The following SGCD variants were observed in gnomAD, a reference collection of about 807,000 sequenced individuals.
SGCD encodes the protein sarcoglycan delta, also known as delta-sarcoglycan.
In SGCD, 18 loss-of-function variants were observed where a neutral mutation model predicts 36.6. The observed-to-expected ratio is 0.49, with a 90% CI of 0.34 to 0.73. The LOEUF (loss-of-function observed/expected upper bound fraction) is 0.73, where lower values mean the gene tolerates loss of function less well. Among genes scored for constraint, SGCD ranks in the 30% least tolerant of loss-of-function variants. The pLI, the probability that SGCD is intolerant of heterozygous loss-of-function variation, is 0.01. For missense variants in SGCD, 387 were observed against 346.7 expected (o/e 1.12, Z -0.92); for synonymous variants, 133 against 130.6 (o/e 1.02, Z -0.12).
chr5:156,487,027 C>T (rs1755702099), intron 3 of SGCD, among the ~76,000 whole-genome samples: 1 of 152,160 alleles, frequency 6.6e-6, no homozygotes. Context: ...CCAAGCACAC[C>T]ACCTGGAGGC....
intron 3 of SGCD, among the ~76,000 whole-genome samples, chr5:156,131,994 T>C (rs186420006): frequency 2.0e-5 from 3 of 152,160 alleles, no homozygotes; most frequent in Admixed American, 1.3e-4. Flanking sequence ...GCCAGAAAAA[T>C]TGCAAATATG....
intron 1 of SGCD, among the ~76,000 whole-genome samples, chr5:155,899,952 A>G (rs1274053129): frequency 2.6e-5 from 4 of 152,202 alleles, no homozygotes; most frequent in Admixed American, 6.6e-5. Context: ...AGTTCTATTC[A>G]TACTTGAATG....
At chr5:155,945,640 T>A (rs1355565795) in intron 1 of SGCD, among the ~76,000 whole-genome samples, 5 of 152,038 alleles carry the variant, frequency 3.3e-5, no homozygotes, top group Non-Finnish European at 7.4e-5. Flanking sequence ...TGTCCAAGCA[T>A]AAGTGCAGAT....
intron 6 of SGCD, among the ~76,000 whole-genome samples, chr5:156,623,407 A>G (rs1762328922): frequency 6.6e-6 from 1 of 152,206 alleles, no homozygotes; most frequent in African/African-American, 2.4e-5. Flanking sequence ...CAGTGTTTTA[A>G]TTCAAAACGA....
chr5:156,115,363 A>T (rs1164358061), intron 1 of SGCD, among the ~76,000 whole-genome samples: 1 of 151,996 alleles, frequency 6.6e-6, no homozygotes, highest in Non-Finnish European at 1.5e-5. Context: ...AAAACATATT[A>T]AAGTAAGGGG....
chr5:156,687,861 G>A (rs569460383), intron 7 of SGCD, among the ~76,000 whole-genome samples: 12 of 152,242 alleles, frequency 7.9e-5, no homozygotes, highest in South Asian at 6.2e-4. Context: ...ACCATCGTTC[G>A]TTACCAGCCT....
chr5:156,097,702 G>A (rs879360899), intron 1 of SGCD, among the ~76,000 whole-genome samples: 6 of 152,016 alleles, frequency 3.9e-5, no homozygotes, highest in South Asian at 4.1e-4. Context: ...CATTCAATTC[G>A]TCTTGGTATT....
At position 155,890,630 on chromosome 5, in the gene SGCD, T is replaced by C. The variant is rs905580615; in HGVS notation, c.-282+20206T>C. Among the ~76,000 whole-genome samples the C allele has an allele frequency of 2.7e-5, 4 of 148,380 alleles. No individual in the cohort carries two copies. In the East Asian group the frequency reaches 8.1e-4, roughly 30 times the overall value. On this transcript the variant is annotated intron_variant, in intron 1 of 9. Transcript: ENST00000517913. ...CTAAATAGATAGGTAGGTAAGTAGA[T>C]AGACAGATGATAGATAGATAGATAG... is the stretch of plus-strand genomic sequence containing the variant.
intron 3 of SGCD, among the ~76,000 whole-genome samples, chr5:156,132,731 G>A (rs1366190752): frequency 2.0e-5 from 3 of 152,006 alleles, no homozygotes; most frequent in African/African-American, 7.2e-5. Flanking sequence ...GCCTCCCAAA[G>A]TGCGGGGATT....
At chr5:155,962,299 T>A (rs1757808534) in intron 1 of SGCD, among the ~76,000 whole-genome samples, 1 of 152,102 alleles carries the variant, frequency 6.6e-6, no homozygotes, top group Non-Finnish European at 1.5e-5. Context: ...AGTTCATATT[T>A]ACTTCTGGAA....
At chr5:156,560,480 T>C (rs11955923) in intron 4 of SGCD, among the ~76,000 whole-genome samples, 6,176 of 152,256 alleles carry the variant, frequency 0.041, 421 homozygotes, top group African/African-American at 0.14. Context: ...GAGGTTTCCA[T>C]ATGATGATGG....
chr5:156,329,713 T>C, intron 2 of SGCD, 134 bp downstream of exon 2: 1 of 861,878 alleles, frequency 1.2e-6, no homozygotes, highest in East Asian at 2.7e-5. Context: ...TTAATTTTAC[T>C]TTTTTATTTT....
intron 3 of SGCD, among the ~76,000 whole-genome samples, chr5:156,197,187 C>T (rs895444815): frequency 3.3e-5 from 5 of 152,066 alleles, no homozygotes; most frequent in African/African-American, 1.2e-4. Flanking sequence ...CATAAAAGTG[C>T]CATGGAGGGG....
At position 156,522,539 on chromosome 5, in the gene SGCD, A is replaced by G. The variant is rs114672724; in HGVS notation, c.294+13837A>G. ...CAAGTGGGAGCTGAACAATGAGAAC[A>G]TATGGACACGGGGAGAGGAACAACA... On this transcript the variant is annotated intron_variant, in intron 4 of 8. Transcript: ENST00000337851. 8.8e-3 allele frequency among the ~76,000 whole-genome samples: 1,333 copies of G among 152,194 alleles called. 9 individuals are homozygous for G. The highest frequency in any genetic ancestry group is 0.03 in the African/African-American group (1,256 of 41,520).
rs1412403214 is a variant in SGCD, at chr5:156,763,698, G to A, written c.*4308G>A. On this transcript the variant is annotated 3_prime_UTR_variant, in exon 9 of 9. Transcript: ENST00000337851. The stretch of plus-strand genomic sequence containing the variant: ...GTCAAGATCCCTTTTGCTCATCCAG[G>A]GTTTCATACTCAATATCGCTTAAAA... The A allele has an allele frequency of 6.6e-6, 1 of 151,598 alleles. No individual in the cohort carries two copies. The highest frequency in any genetic ancestry group is 2.4e-5 in the African/African-American group (1 of 41,190). The allele number at this position is 151,598 out of a possible 1,614,324, so 9.4% of individuals were successfully genotyped here.
intron 7 of SGCD, among the ~76,000 whole-genome samples, chr5:156,705,158 G>A (rs549027626): frequency 1.3e-5 from 2 of 152,116 alleles, no homozygotes; most frequent in East Asian, 3.9e-4. Flanking sequence ...TATAAAGTAG[G>A]TACTTTCTCA....
At chr5:156,432,319 T>TTGGC (rs1181965580) in intron 3 of SGCD, among the ~76,000 whole-genome samples, 1 of 152,216 alleles carries the variant, frequency 6.6e-6, no homozygotes, top group Non-Finnish European at 1.5e-5. Context: ...GGTGGTGGAA[T>TTGGC]TGGCTGTTAT....
chr5:156,577,848 C>A (rs1760046942), intron 4 of SGCD, among the ~76,000 whole-genome samples: 1 of 152,204 alleles, frequency 6.6e-6, no homozygotes, highest in Admixed American at 6.5e-5. Flanking sequence ...AATATACAAT[C>A]ATGTCATCTG....
chr5:155,997,080 G>A (rs1431644247), intron 1 of SGCD, among the ~76,000 whole-genome samples: 3 of 152,138 alleles, frequency 2.0e-5, no homozygotes, highest in Non-Finnish European at 4.4e-5. Context: ...TATCTTTCTT[G>A]TTGAGAAATT....
Sources: gnomAD v4.1 joint callset for allele counts (sites outside exome capture counted in the v4.1 genomes callset) on GRCh38, gnomAD v4.1.1 for gene constraint, MANE v1.5 for transcripts, NCBI Gene and HGNC (gene_info 2026-07-23, HGNC 2026-07-21) for gene names.